Variants in FBXL7 observed in about 807,000 individuals in gnomAD.
The protein encoded by FBXL7 is F-box/LRR-repeat protein 7.
A neutral mutation model predicts 38.3 loss-of-function variants in FBXL7; 12 were observed. That is an observed-to-expected ratio of 0.31 (90% CI 0.20 to 0.51). The LOEUF is 0.51. Ranked by LOEUF, FBXL7 falls within the 20% of genes least tolerant of loss-of-function variation. FBXL7 has a pLI of 0.98. For missense variants in FBXL7, 567 were observed against 676.4 expected, an observed-to-expected ratio of 0.84 and a Z score of 1.79; for synonymous variants, 297 against 300.9, an observed-to-expected ratio of 0.99 and a Z score of 0.13.
chr5:15,575,062 T>C (rs933935800), intron 1 of FBXL7, among the ~76,000 whole-genome samples: 3 of 152,132 alleles, frequency 2.0e-5, no homozygotes, highest in Non-Finnish European at 2.9e-5. Context: ...TGCTGGCATC[T>C]GGCATCTAGT....
intron 2 of FBXL7, among the ~76,000 whole-genome samples, chr5:15,859,558 G>A (rs1171562049): frequency 1.3e-5 from 2 of 152,172 alleles, no homozygotes; most frequent in Non-Finnish European, 2.9e-5. Context: ...ATGGCAGAAG[G>A]CAAAAGGAGC....
intron 1 of FBXL7, among the ~76,000 whole-genome samples, chr5:15,531,310 T>G (rs922481519): frequency 3.3e-5 from 5 of 152,048 alleles, no homozygotes; most frequent in African/African-American, 1.2e-4. Context: ...TACCTCTGAG[T>G]AGTGAGTAGG....
chr5:15,884,795 A>G lies in FBXL7; in HGVS notation c.128-43095A>G, dbSNP rs60964517. ...CACAGTAATCCTAACACATTCTTTT[A>G]GAAAGGGCAAAGCGGTGGGATAAGA... On this transcript the variant is annotated intron_variant, in intron 2 of 3. Coordinates refer to ENST00000504595, the MANE Select transcript of FBXL7 (RefSeq NM_012304.5). Among the ~76,000 whole-genome samples the G allele has an allele frequency of 7.1e-3, 1,074 of 152,320 alleles. 20 individuals carry two copies. The highest frequency in any genetic ancestry group is 0.025 in the African/African-American group (1,023 of 41,578).
intron 2 of FBXL7, among the ~76,000 whole-genome samples, chr5:15,785,980 C>G (rs959910905): frequency 6.6e-6 from 1 of 152,164 alleles, no homozygotes; most frequent in Non-Finnish European, 1.5e-5. Flanking sequence ...GAACAGTATT[C>G]AAATTGGAAT....
intron 2 of FBXL7, among the ~76,000 whole-genome samples, chr5:15,822,596 C>A (rs1579493955): frequency 6.6e-6 from 1 of 151,292 alleles, no homozygotes; most frequent in Admixed American, 6.6e-5. Flanking sequence ...TATTCCTAAA[C>A]CGGATGAACA....
intron 1 of FBXL7, among the ~76,000 whole-genome samples, chr5:15,514,084 T>G (rs1736870849): frequency 6.6e-6 from 1 of 152,206 alleles, no homozygotes; most frequent in South Asian, 2.1e-4. Context: ...AGTCATTTCT[T>G]TGATACTGGC....
At chr5:15,804,029 C>T (rs555722349) in intron 2 of FBXL7, among the ~76,000 whole-genome samples, 2 of 152,220 alleles carry the variant, frequency 1.3e-5, no homozygotes, top group East Asian at 1.9e-4. Flanking sequence ...AGGATTCTTA[C>T]AACCACATAC....
At chr5:15,743,248 C>G (rs1735936318) in intron 2 of FBXL7, among the ~76,000 whole-genome samples, 1 of 152,204 alleles carries the variant, frequency 6.6e-6, no homozygotes, top group Non-Finnish European at 1.5e-5. Context: ...AAGGCAAGTA[C>G]CTTCTGCCCA....
At chr5:15,616,132 C>G (rs1243740510) in intron 2 of FBXL7, 60 bp downstream of exon 2, 16 of 1,242,884 alleles carry the variant, frequency 1.3e-5, no homozygotes, top group East Asian at 9.5e-5. Context: ...ATTTTTGGAA[C>G]AGAAATAAAG....
At chr5:15,870,165 G>A (rs1316021008) in intron 2 of FBXL7, among the ~76,000 whole-genome samples, 1 of 152,032 alleles carries the variant, frequency 6.6e-6, no homozygotes, top group Admixed American at 6.5e-5. Context: ...GGGGGGAAAA[G>A]AAGGGACCTA....
At chr5:15,922,139 T>C (rs1426480277) in intron 2 of FBXL7, among the ~76,000 whole-genome samples, 1 of 150,844 alleles carries the variant, frequency 6.6e-6, no homozygotes, top group Non-Finnish European at 1.5e-5. Context: ...TATTATTTAG[T>C]ATATAATATA....
At chr5:15,859,674 C>T (rs558061500) in intron 2 of FBXL7, among the ~76,000 whole-genome samples, 1 of 152,190 alleles carries the variant, frequency 6.6e-6, no homozygotes, top group South Asian at 2.1e-4. Flanking sequence ...ATGAGAACAG[C>T]ACAGGAAAGA....
rs72745653 is a variant in FBXL7, at chr5:15,581,966, C to T, written c.38-34017C>T. 5.4e-3 allele frequency among the ~76,000 whole-genome samples: 822 copies of T among 152,184 alleles called. 4 individuals carry two copies. The highest frequency in any genetic ancestry group is 8.0e-3 in the Non-Finnish European group (546 of 68,016). Reference sequence around the variant, plus strand: ...ATGATTTCTTTTTTTGAAACAGGATCGCATTCTGTGTCCCAGGCTGGAGTG... The same window carrying T: ...ATGATTTCTTTTTTTGAAACAGGATTGCATTCTGTGTCCCAGGCTGGAGTG... On this transcript the variant is annotated intron_variant, in intron 1 of 3. Coordinates refer to ENST00000504595, the MANE Select transcript of FBXL7 (RefSeq NM_012304.5).
At chr5:15,755,063 C>T (rs1051822253) in intron 2 of FBXL7, among the ~76,000 whole-genome samples, 2 of 152,100 alleles carry the variant, frequency 1.3e-5, no homozygotes, top group African/African-American at 4.8e-5. Flanking sequence ...TTAGGAAATC[C>T]CTTCTGCCTC....
chr5:15,561,118 T>A (rs1171150858), intron 1 of FBXL7, among the ~76,000 whole-genome samples: 1 of 152,164 alleles, frequency 6.6e-6, no homozygotes, highest in Non-Finnish European at 1.5e-5. Flanking sequence ...TCTTAGCAGT[T>A]TCTTTATATA....
intron 2 of FBXL7, among the ~76,000 whole-genome samples, chr5:15,630,154 T>C (rs1740952172): frequency 1.3e-5 from 2 of 152,182 alleles, no homozygotes; most frequent in African/African-American, 4.8e-5. Context: ...AAATAACCAG[T>C]TCCTCTCAGA....
chr5:15,842,191 C>T (rs1292639750), intron 2 of FBXL7, among the ~76,000 whole-genome samples: 2 of 152,178 alleles, frequency 1.3e-5, no homozygotes, highest in Non-Finnish European at 2.9e-5. Context: ...CCAATCTGCC[C>T]AAGGTTGTGG....
chr5:15,582,040 C>T (rs775894879), intron 1 of FBXL7, among the ~76,000 whole-genome samples: 27 of 152,242 alleles, frequency 1.8e-4, no homozygotes, highest in South Asian at 8.3e-4. Context: ...CAGGTTCAGG[C>T]GATCCTCCTG....
chr5:15,722,751 C>T (rs371480035), intron 2 of FBXL7, among the ~76,000 whole-genome samples: 6 of 152,054 alleles, frequency 3.9e-5, no homozygotes, highest in African/African-American at 9.6e-5. Flanking sequence ...GGTGAAACCC[C>T]GTCTCTACTA....
Sources: gnomAD v4.1 joint callset for allele counts (sites outside exome capture counted in the v4.1 genomes callset) on GRCh38, gnomAD v4.1.1 for gene constraint, MANE v1.5 for transcripts, NCBI Gene and HGNC (gene_info 2026-07-23, HGNC 2026-07-21) for gene names.